The following HAUS6 variants were observed in gnomAD, a reference collection of about 807,000 sequenced individuals.
HAUS6 encodes HAUS augmin-like complex subunit 6.
Under a neutral mutation model 106.8 loss-of-function variants are expected in HAUS6, and 80 were observed. That is an observed-to-expected ratio of 0.75 (90% CI 0.63 to 0.90). HAUS6 has a LOEUF of 0.90. Ranked by LOEUF, HAUS6 falls within the 40% of genes least tolerant of loss-of-function variation. HAUS6 has a pLI of 0.00. For missense variants in HAUS6, 1,155 were observed against 1,118.1 expected, an observed-to-expected ratio of 1.03 and a Z score of -0.47; for synonymous variants, 356 against 379.1, an observed-to-expected ratio of 0.94 and a Z score of 0.71.
At chr9:19,098,102 T>C (rs1478243523) in intron 1 of HAUS6, among the ~76,000 whole-genome samples, 1 of 152,192 alleles carries the variant, frequency 6.6e-6, no homozygotes, top group African/African-American at 2.4e-5. Context: ...TTATTGTAAT[T>C]TGTAATAAGA....
chr9:19,090,298 G>C (rs778944087), intron 4 of HAUS6, among the ~76,000 whole-genome samples: 1 of 152,034 alleles, frequency 6.6e-6, no homozygotes, highest in Non-Finnish European at 1.5e-5. Flanking sequence ...ATTTATATCC[G>C]TAATAGTGTA....
chr9:19,061,943 T>G (rs79737262), intron 14 of HAUS6, among the ~76,000 whole-genome samples: 1 of 152,208 alleles, frequency 6.6e-6, no homozygotes, highest in African/African-American at 2.4e-5. Flanking sequence ...TGAATTAATA[T>G]CTGCTAAACC....
Position 19,058,604 on chromosome 9 carries a change from C to T in HAUS6, c.2163G>A (p.Arg721=). The T allele has an allele frequency of 6.2e-7, 1 of 1,605,152 alleles. No individual in the cohort carries two copies. Among genetic ancestry groups the T allele is most frequent in the Non-Finnish European group, 8.5e-7 (1 of 1,172,928 alleles). The change falls in exon 16 of 17, where the codon AGG becomes AGA. Residue 721 remains arginine (R), a synonymous_variant. Coordinates refer to ENST00000380502, the MANE Select transcript of HAUS6 (RefSeq NM_017645.5). ...CTTCACTGCCACCCATCACATCTATCCTATTGCCGACAGCAGGGGAGAATG... is the reference window on the plus strand; with the variant it reads ...CTTCACTGCCACCCATCACATCTATTCTATTGCCGACAGCAGGGGAGAATG... ...METFSPAVGN[R]IDVMGGSEEE...
chr9:19,058,117 T>C lies in HAUS6; in HGVS notation c.2650A>G (p.Thr884Ala), dbSNP rs1836517764. 2 of 1,614,000 alleles carry C rather than the reference T, an allele frequency of 1.2e-6. 1 individual carries two copies. The highest frequency in any genetic ancestry group is 1.7e-6 in the Non-Finnish European group (2 of 1,179,988). The stretch of plus-strand genomic sequence containing the variant: ...ATATGCTCAGTATGCAAATCACAGG[T>C]GTCCAAAAAGTTAAGCGTATCATCT... Reference protein sequence around the residue: ...QTDDTLNFLDTCDLHTEHIKP... With the variant: ...QTDDTLNFLDACDLHTEHIKP... The change falls in exon 16 of 17, where the codon ACC (threonine) becomes GCC (alanine). Residue 884 changes from threonine (T) to alanine (A), a missense_variant. By Grantham distance (58) the Thr-to-Ala change is moderately conservative. This residue lies in a region of HAUS6 where 380 missense variants were observed against 394.8 expected (regional missense o/e 0.96). Coordinates refer to ENST00000380502, the MANE Select transcript of HAUS6 (RefSeq NM_017645.5).
At chr9:19,057,452 G>A (rs1225866591) in intron 16 of HAUS6, 1 of 153,000 alleles carries the variant, frequency 6.5e-6, no homozygotes, top group Admixed American at 6.5e-5. Context: ...CCTTGATTTT[G>A]GACATCTAGC....
chr9:19,077,665 T>C (rs912168690), intron 10 of HAUS6, among the ~76,000 whole-genome samples: 1 of 152,166 alleles, frequency 6.6e-6, no homozygotes, highest in Non-Finnish European at 1.5e-5. Flanking sequence ...AACCATAACA[T>C]AGAAACTTTA....
Position 19,094,638 on chromosome 9 carries a change from A to G in HAUS6, c.225-243T>C, listed in dbSNP as rs184537851. Among the ~76,000 whole-genome samples, 7 of 152,282 alleles carry G rather than the reference A, an allele frequency of 4.6e-5. No homozygotes were observed. In the East Asian group the frequency reaches 7.7e-4, roughly 17 times the overall value. Reference sequence around the variant, plus strand: ...GAAATCCCGTCTCTATTAAAAATATAAAAATTAACTAGGCATAGTGGTGTG... The same window carrying G: ...GAAATCCCGTCTCTATTAAAAATATGAAAATTAACTAGGCATAGTGGTGTG... On this transcript the variant is annotated intron_variant, in intron 2 of 16. Transcript: ENST00000380502.
Position 19,080,482 on chromosome 9 carries a change from A to G in HAUS6, c.1061T>C (p.Met354Thr), listed in dbSNP as rs1314997608. 11 of 1,596,182 alleles carry G rather than the reference A, an allele frequency of 6.9e-6. No individual in the cohort carries two copies. The highest frequency in any genetic ancestry group is 1.3e-5 in the African/African-American group (1 of 74,662). Residue 354 changes from methionine (M) to threonine (T), a missense_variant, in exon 9 of 17, where the codon ATG becomes ACG. By Grantham distance (81) the Met-to-Thr change is moderately conservative. Coordinates refer to ENST00000380502, the MANE Select transcript of HAUS6 (RefSeq NM_017645.5). Reference protein sequence around the residue: ...QKERLSDLKHMRYRIKDDLTT... With the variant: ...QKERLSDLKHTRYRIKDDLTT... ...ATAACAGATCTTTTTAGTGTACCTC[A>G]TATGTTTCAGATCTGATAATCTTTC...
chr9:19,099,017 C>CAAAAAAAAA (rs377024544), intron 1 of HAUS6, among the ~76,000 whole-genome samples: 1 of 90,686 alleles, frequency 1.1e-5, no homozygotes, highest in Non-Finnish European at 2.2e-5. Flanking sequence ...AACTCCATCT[C>CAAAAAAAAA]AAAAAAAAAA....
At chr9:19,061,232 C>T (rs1041621440) in intron 14 of HAUS6, among the ~76,000 whole-genome samples, 3 of 152,080 alleles carry the variant, frequency 2.0e-5, no homozygotes, top group African/African-American at 7.2e-5. Context: ...AGGGCTTCTC[C>T]CTCAAGAAAA....
intron 12 of HAUS6, among the ~76,000 whole-genome samples, chr9:19,067,428 T>C (rs1836785774): frequency 6.6e-6 from 1 of 152,202 alleles, no homozygotes; most frequent in African/African-American, 2.4e-5. Context: ...GATAATCTTT[T>C]ATATCCCATT....
intron 5 of HAUS6, among the ~76,000 whole-genome samples, chr9:19,088,368 A>G (rs1260398165): frequency 6.6e-6 from 1 of 150,980 alleles, no homozygotes; most frequent in Non-Finnish European, 1.5e-5. Flanking sequence ...GTGAGCCGAG[A>G]TTGTGACACT....
intron 4 of HAUS6, among the ~76,000 whole-genome samples, chr9:19,092,902 G>A (rs1328674852): frequency 8.0e-6 from 1 of 125,140 alleles, no homozygotes; most frequent in Non-Finnish European, 1.8e-5. Context: ...TCCAGCTTGA[G>A]CGAAACTGTG....
intron 2 of HAUS6, 114 bp from the exon 3 acceptor site, chr9:19,094,509 T>C (rs1044495906): frequency 1.7e-5 from 11 of 648,872 alleles, no homozygotes; most frequent in East Asian, 2.8e-5. Context: ...TATTAATGCA[T>C]GGCCAAGCGC....
At chr9:19,094,670 T>C (rs936114999) in intron 2 of HAUS6, among the ~76,000 whole-genome samples, 2 of 152,044 alleles carry the variant, frequency 1.3e-5, no homozygotes, top group African/African-American at 2.4e-5. Context: ...TGTGCGCCTA[T>C]AGCCCCAGCT....
chr9:19,072,970 C>A (rs554597418), intron 11 of HAUS6, among the ~76,000 whole-genome samples: 1 of 151,678 alleles, frequency 6.6e-6, no homozygotes, highest in Non-Finnish European at 1.5e-5. Context: ...TAACAAAGAA[C>A]CTTTTGGAAG....
intron 12 of HAUS6, among the ~76,000 whole-genome samples, chr9:19,067,983 C>G (rs374181290): frequency 1.1e-4 from 17 of 151,588 alleles, no homozygotes; most frequent in African/African-American, 4.1e-4. Flanking sequence ...CATGAGCCAC[C>G]GCACCTGGCC....
Position 19,058,373 on chromosome 9 carries a change from A to C in HAUS6, c.2394T>G (p.Asn798Lys), listed in dbSNP as rs1564005738. Residue 798 changes from asparagine (N) to lysine (K), a missense_variant, in exon 16 of 17, where the codon AAT (asparagine) becomes AAG (lysine). Asn to Lys is a moderately conservative substitution (Grantham distance 94). Transcript: ENST00000380502. ...SFNSSSSSEA[N>K]FKLEPNSPMH... The stretch of plus-strand genomic sequence containing the variant: ...TAGGACTATTTGGCTCCAGTTTAAA[A>C]TTGGCCTCTGAACTACTGGAACTAT... 6.2e-7 allele frequency: 1 copy of C among 1,613,914 alleles called. No individual in the cohort carries two copies. Among genetic ancestry groups the C allele is most frequent in the South Asian group, 1.1e-5 (1 of 91,076 alleles).
At position 19,080,634 on chromosome 9, in the gene HAUS6, G is replaced by A; in HGVS notation, c.909C>T (p.Asn303=). 6.2e-7 allele frequency: 1 copy of A among 1,607,578 alleles called. No homozygotes were observed. Among genetic ancestry groups the A allele is most frequent in the Non-Finnish European group, 8.5e-7 (1 of 1,174,980 alleles). The change falls in exon 9 of 17, where the codon AAC becomes AAT. Residue 303 remains asparagine (N), a synonymous_variant. Transcript: ENST00000380502. ...IGNVYEAGKL[N]LLTVIQLLNE... The stretch of plus-strand genomic sequence containing the variant: ...TTAATAACTGAATAACTGTTAAGAG[G>A]TTCAGTTTTCCAGCCTCATAAACAT...
Sources: gnomAD v4.1 joint callset for allele counts (sites outside exome capture counted in the v4.1 genomes callset) on GRCh38, gnomAD v4.1.1 for gene constraint, gnomAD v4.1.1 regional missense constraint, MANE v1.5 for transcripts, NCBI Gene and HGNC (gene_info 2026-07-23, HGNC 2026-07-21) for gene names.